The following DYNC1LI1 variants were observed in gnomAD, a reference collection of about 807,000 sequenced individuals.
DYNC1LI1 encodes dynein cytoplasmic 1 light intermediate chain 1.
In DYNC1LI1, 19 loss-of-function variants were observed where a neutral mutation model predicts 63.8. That is an observed-to-expected ratio of 0.30 (90% CI 0.21 to 0.44). The LOEUF is 0.44. Ranked by LOEUF, DYNC1LI1 falls within the 20% of genes least tolerant of loss-of-function variation. The pLI, the probability that DYNC1LI1 is intolerant of heterozygous loss-of-function variation, is 1.00. For synonymous variants in DYNC1LI1, 225 were observed against 232.3 expected (o/e 0.97, Z 0.28); for missense variants, 565 against 630.2 (o/e 0.90, Z 1.11).
chr3:32,530,347 A>AAAAAAC lies in DYNC1LI1; in HGVS notation c.1141-20_1141-19insGTTTTT. The AAAAAAC allele has an allele frequency of 6.3e-7, 1 of 1,598,368 alleles. No individual in the cohort carries two copies. ...AAAGGGACTGAAAAAAAAAAAAAAAAAGAATCCTAGTTTAGACATTCATAG... is the reference window on the plus strand; with the variant it reads ...AAAGGGACTGAAAAAAAAAAAAAAAAAAAAACAGAATCCTAGTTTAGACATTCATAG... On this transcript the variant is annotated intron_variant, in intron 9 of 12. Coordinates refer to ENST00000273130, the MANE Select transcript of DYNC1LI1 (RefSeq NM_016141.4).
At chr3:32,559,260 T>A (rs1002021750) in intron 2 of DYNC1LI1, among the ~76,000 whole-genome samples, 4 of 152,022 alleles carry the variant, frequency 2.6e-5, no homozygotes, top group Admixed American at 6.6e-5. Context: ...TGTGTGTGTG[T>A]GAGACAGGGC....
intron 4 of DYNC1LI1, among the ~76,000 whole-genome samples, chr3:32,543,098 T>C (rs1484112742): frequency 6.6e-6 from 1 of 152,176 alleles, no homozygotes; most frequent in Admixed American, 6.5e-5. Context: ...ATGTGTACTT[T>C]TGATATGTTC....
At position 32,526,315 on chromosome 3, in the gene DYNC1LI1, A is replaced by C. The variant is rs557806991; in HGVS notation, c.*484T>G. The stretch of plus-strand genomic sequence containing the variant: ...ATATTCCGTGTGTGGTGGTACATTT[A>C]TTGTGGTGTGCAAAATCTGACAACT... On this transcript the variant is annotated 3_prime_UTR_variant, in exon 13 of 13. Coordinates refer to ENST00000273130, the MANE Select transcript of DYNC1LI1 (RefSeq NM_016141.4). 1.3e-5 allele frequency: 2 copies of C among 153,440 alleles called. No homozygotes were observed. The highest frequency in any genetic ancestry group is 6.5e-5 in the Admixed American group (1 of 15,416). 9.5% of individuals were successfully genotyped at this position (153,440 alleles called of 1,614,324 possible).
At chr3:32,556,949 T>C (rs148954724) in intron 2 of DYNC1LI1, among the ~76,000 whole-genome samples, 2 of 152,340 alleles carry the variant, frequency 1.3e-5, no homozygotes, top group South Asian at 2.1e-4. Flanking sequence ...ATTACTCATA[T>C]AAATAAAACT....
At chr3:32,560,489 C>A (rs374524739) in intron 2 of DYNC1LI1, among the ~76,000 whole-genome samples, 1 of 152,012 alleles carries the variant, frequency 6.6e-6, no homozygotes, top group African/African-American at 2.4e-5. Flanking sequence ...GGGCTTAAAA[C>A]CCTTTCCTGT....
intron 12 of DYNC1LI1, among the ~76,000 whole-genome samples, chr3:32,528,112 CAAAAAAAAAAAAA>C (rs60912161): frequency 0.13 from 3,955 of 30,232 alleles, 288 homozygotes; most frequent in African/African-American, 0.32. Context: ...GACTCCATCT[CAAAAAAAAAAAAA>C]AAAAAAAAAA....
intron 6 of DYNC1LI1, among the ~76,000 whole-genome samples, chr3:32,535,437 A>G (rs1432140298): frequency 6.6e-6 from 1 of 152,200 alleles, no homozygotes; most frequent in Non-Finnish European, 1.5e-5. Context: ...ACCTAGGCCA[A>G]GGGGGAAATG....
At chr3:32,567,938 A>T (rs1698290862) in intron 2 of DYNC1LI1, among the ~76,000 whole-genome samples, 1 of 152,108 alleles carries the variant, frequency 6.6e-6, no homozygotes. Flanking sequence ...TCCTAACTTC[A>T]GGTGATCCGC....
At chr3:32,548,508 G>A (rs901066336) in intron 2 of DYNC1LI1, among the ~76,000 whole-genome samples, 3 of 152,132 alleles carry the variant, frequency 2.0e-5, no homozygotes, top group African/African-American at 7.2e-5. Context: ...AATGCTCCAT[G>A]ATCTCACTCA....
intron 2 of DYNC1LI1, among the ~76,000 whole-genome samples, chr3:32,553,912 C>A (rs1698077008): frequency 6.6e-6 from 1 of 152,228 alleles, no homozygotes; most frequent in Admixed American, 6.5e-5. Context: ...ACCATTAAAG[C>A]AAGACTGTTT....
In DYNC1LI1 at chr3:32,529,329, C is replaced by T. The variant is rs111533325; in HGVS notation, c.1306+211G>A. ...CTACCAGGAAATTGATTAAATATAACAAAACTTTTATCATGGAAATGATGA... is the reference window on the plus strand; with the variant it reads ...CTACCAGGAAATTGATTAAATATAATAAAACTTTTATCATGGAAATGATGA... On this transcript the variant is annotated intron_variant, in intron 11 of 12. Coordinates refer to ENST00000273130, the MANE Select transcript of DYNC1LI1 (RefSeq NM_016141.4). Among the ~76,000 whole-genome samples the T allele has an allele frequency of 2.6e-3, 395 of 151,930 alleles. 1 individual carries two copies. The highest frequency in any genetic ancestry group is 9.1e-3 in the African/African-American group (376 of 41,450).
At chr3:32,566,867 T>G (rs1698267527) in intron 2 of DYNC1LI1, 1 of 279,764 alleles carries the variant, frequency 3.6e-6, no homozygotes, top group African/African-American at 2.3e-5. Flanking sequence ...CTACTTAAAA[T>G]ACATGTGCAA....
At chr3:32,544,756 A>G (rs1697929634) in intron 4 of DYNC1LI1, 120 bp downstream of exon 4, 2 of 711,094 alleles carry the variant, frequency 2.8e-6, no homozygotes, top group Admixed American at 2.9e-5. Context: ...AAAAAAAAAA[A>G]AAGTACTTAC....
At chr3:32,556,512 A>G (rs1698116525) in intron 2 of DYNC1LI1, among the ~76,000 whole-genome samples, 1 of 152,084 alleles carries the variant, frequency 6.6e-6, no homozygotes, top group Non-Finnish European at 1.5e-5. Context: ...ACCAACCTTC[A>G]TATTCTTTTT....
chr3:32,568,319 T>C lies in DYNC1LI1; in HGVS notation c.220+2027A>G, dbSNP rs114665956. On this transcript the variant is annotated intron_variant, in intron 2 of 12. Transcript: ENST00000273130. ...TGCTGCCATATGTGACGGTGAAATG[T>C]CTGTAAGAAATCTTCAGGGGTATTT... Among the ~76,000 whole-genome samples, 1,341 of 152,344 alleles carry C rather than the reference T, an allele frequency of 8.8e-3. 30 individuals carry two copies. Among genetic ancestry groups the C allele is most frequent in the African/African-American group, 0.031 (1,272 of 41,588 alleles).
intron 5 of DYNC1LI1, among the ~76,000 whole-genome samples, chr3:32,539,050 A>G (rs941912364): frequency 1.4e-4 from 21 of 152,206 alleles, no homozygotes; most frequent in African/African-American, 5.1e-4. Flanking sequence ...ACTGCTTTTC[A>G]TAAGGCAAGT....
chr3:32,559,157 G>A (rs1698156716), intron 2 of DYNC1LI1, among the ~76,000 whole-genome samples: 2 of 151,142 alleles, frequency 1.3e-5, no homozygotes, highest in African/African-American at 4.9e-5. Flanking sequence ...CGAGTAACTT[G>A]CACTACAGGT....
At chr3:32,537,257 A>G (rs764525514) in intron 5 of DYNC1LI1, 153 bp from the exon 6 acceptor site, 16 of 415,144 alleles carry the variant, frequency 3.9e-5, no homozygotes, top group Non-Finnish European at 6.8e-5. Context: ...CAAGTACCCT[A>G]TGAACTTTTA....
intron 8 of DYNC1LI1, 132 bp downstream of exon 8, chr3:32,532,853 AC>A (rs1378313335): frequency 1.5e-6 from 2 of 1,362,928 alleles, no homozygotes; most frequent in Non-Finnish European, 1.9e-6. Context: ...TTAGAAACAC[AC>A]CAAAATTATA....
Sources: gnomAD v4.1 joint callset for allele counts (sites outside exome capture counted in the v4.1 genomes callset) on GRCh38, gnomAD v4.1.1 for gene constraint, MANE v1.5 for transcripts, NCBI Gene and HGNC (gene_info 2026-07-23, HGNC 2026-07-21) for gene names.